Variants in GABRB1 observed in about 807,000 individuals in gnomAD.
GABRB1 encodes gamma-aminobutyric acid receptor subunit beta-1.
In GABRB1, 17 loss-of-function variants were observed where a neutral mutation model predicts 51.6. The ratio of observed to expected loss-of-function variants is 0.33; its 90% CI spans 0.23 to 0.49. The LOEUF is 0.49. Ranked by LOEUF, GABRB1 falls within the 20% of genes least tolerant of loss-of-function variation. The probability of loss-of-function intolerance (pLI) is 0.99; values close to 1 mark genes in which losing one functional copy is unlikely to be tolerated. For missense variants in GABRB1, 410 were observed against 600.6 expected (o/e 0.68, Z 3.32); for synonymous variants, 247 against 218.9 (o/e 1.13, Z -1.14).
At chr4:47,122,305 G>C (rs565669488) in intron 3 of GABRB1, among the ~76,000 whole-genome samples, 10 of 152,264 alleles carry the variant, frequency 6.6e-5, no homozygotes, top group African/African-American at 2.4e-4. Context: ...ATAATTTTCA[G>C]ACTGTTTAGT....
intron 3 of GABRB1, among the ~76,000 whole-genome samples, chr4:47,085,902 G>A (rs1728036499): frequency 6.6e-6 from 1 of 152,176 alleles, no homozygotes; most frequent in South Asian, 2.1e-4. Flanking sequence ...GAAGCTGCCA[G>A]GCCTCTGAAG....
At chr4:47,014,432 A>G (rs1046316137) in intron 1 of GABRB1, among the ~76,000 whole-genome samples, 1 of 152,126 alleles carries the variant, frequency 6.6e-6, no homozygotes, top group African/African-American at 2.4e-5. Flanking sequence ...AGCACTATTG[A>G]CATCTTCTTT....
chr4:47,176,835 G>A (rs1039838201), intron 4 of GABRB1, among the ~76,000 whole-genome samples: 12 of 152,110 alleles, frequency 7.9e-5, no homozygotes, highest in Admixed American at 3.3e-4. Flanking sequence ...GTACAAACTG[G>A]AACAGATGGG....
intron 3 of GABRB1, among the ~76,000 whole-genome samples, chr4:47,120,445 G>T (rs1273002416): frequency 6.6e-6 from 1 of 152,172 alleles, no homozygotes; most frequent in Admixed American, 6.5e-5. Context: ...GACTCTGAGA[G>T]CCTGCCTGGT....
At chr4:47,029,648 T>C (rs1177411709), upstream of GABRB1, among the ~76,000 whole-genome samples, 2 of 152,028 alleles carry the variant, frequency 1.3e-5, no homozygotes, top group Non-Finnish European at 2.9e-5. Context: ...GATATTCTCC[T>C]ATATAGTTTA....
intron 1 of GABRB1, among the ~76,000 whole-genome samples, chr4:47,018,043 A>ATCTTCCTCCTCCTCCTCT (rs1426738579): frequency 6.5e-4 from 97 of 150,222 alleles, no homozygotes; most frequent in African/African-American, 2.2e-3. Context: ...CTTTGTCGTC[A>ATCTTCCTCCTCCTCCTCT]TCTTCCTCCT....
At chr4:47,395,173 G>A (rs1392008102) in intron 5 of GABRB1, among the ~76,000 whole-genome samples, 1 of 152,170 alleles carries the variant, frequency 6.6e-6, no homozygotes, top group Non-Finnish European at 1.5e-5. Flanking sequence ...TTCTCACACT[G>A]CTATAAAGAA....
intron 3 of GABRB1, among the ~76,000 whole-genome samples, chr4:47,039,563 T>C (rs1182411508): frequency 6.6e-6 from 1 of 152,086 alleles, no homozygotes; most frequent in Admixed American, 6.6e-5. Context: ...TTGGTCTATG[T>C]GGTAGGTGCT....
intron 5 of GABRB1, among the ~76,000 whole-genome samples, chr4:47,365,527 T>A (rs1023516248): frequency 6.6e-6 from 1 of 152,154 alleles, no homozygotes; most frequent in Non-Finnish European, 1.5e-5. Context: ...TCAGATGTCT[T>A]CCTTGCTCCA....
chr4:47,353,326 G>T (rs1726430962), intron 5 of GABRB1, among the ~76,000 whole-genome samples: 1 of 152,204 alleles, frequency 6.6e-6, no homozygotes, highest in Non-Finnish European at 1.5e-5. Context: ...TTCTCCATCA[G>T]TGAAGTCAAG....
chr4:47,254,361 G>GTTTTTTTTTTTTTTTTTTTTTTTTT (rs56838956), intron 4 of GABRB1, among the ~76,000 whole-genome samples: 7 of 80,968 alleles, frequency 8.6e-5, no homozygotes, highest in African/African-American at 3.6e-4. Flanking sequence ...TCTTTTCTTT[G>GTTTTTTTTTTTTTTTTTTTTTTTTT]TTTTTTTTTT....
intron 1 of GABRB1, among the ~76,000 whole-genome samples, chr4:47,016,610 A>G (rs763467229): frequency 6.6e-6 from 1 of 151,538 alleles, no homozygotes; most frequent in East Asian, 1.9e-4. Flanking sequence ...TCTATCTGAG[A>G]TGGAGTCTCA....
intron 4 of GABRB1, among the ~76,000 whole-genome samples, chr4:47,310,610 A>C (rs1312406276): frequency 2.0e-5 from 3 of 152,182 alleles, no homozygotes; most frequent in African/African-American, 7.2e-5. Context: ...CCTTGAATCT[A>C]GTCTATCTGG....
intron 4 of GABRB1, among the ~76,000 whole-genome samples, chr4:47,192,301 T>C (rs1167075149): frequency 6.6e-6 from 1 of 152,186 alleles, no homozygotes; most frequent in Non-Finnish European, 1.5e-5. Flanking sequence ...TCCCAAATGA[T>C]AGCTTTATGT....
intron 1 of GABRB1, among the ~76,000 whole-genome samples, chr4:47,025,350 A>G (rs1725058172): frequency 6.6e-6 from 1 of 151,948 alleles, no homozygotes; most frequent in Non-Finnish European, 1.5e-5. Context: ...GTACTAGTTT[A>G]CATTCCCACC....
chr4:47,228,469 G>T (rs1171702234), intron 4 of GABRB1, among the ~76,000 whole-genome samples: 2 of 151,906 alleles, frequency 1.3e-5, no homozygotes, highest in African/African-American at 4.8e-5. Context: ...GTTTCTCGTT[G>T]GTGAGAAATG....
At chr4:47,070,325 C>A (rs1004026588) in intron 3 of GABRB1, among the ~76,000 whole-genome samples, 6 of 151,458 alleles carry the variant, frequency 4.0e-5, no homozygotes, top group African/African-American at 1.5e-4. Context: ...CGTAAGCCAC[C>A]GTGCCCAGCC....
At chr4:47,221,506 G>A (rs1720763905) in intron 4 of GABRB1, among the ~76,000 whole-genome samples, 1 of 151,774 alleles carries the variant, frequency 6.6e-6, no homozygotes, top group South Asian at 2.1e-4. Context: ...ATCAGAAGTG[G>A]CTTATGATTT....
chr4:47,193,125 T>TTTGTTG (rs140155461), intron 4 of GABRB1, among the ~76,000 whole-genome samples: 4 of 151,820 alleles, frequency 2.6e-5, no homozygotes, highest in African/African-American at 9.7e-5. Context: ...ATATGTGTTT[T>TTTGTTG]TTGTTGTTGT....
Sources: gnomAD v4.1 joint callset for allele counts (sites outside exome capture counted in the v4.1 genomes callset) on GRCh38, gnomAD v4.1.1 for gene constraint, MANE v1.5 for transcripts, NCBI Gene and HGNC (gene_info 2026-07-23, HGNC 2026-07-21) for gene names.